HERC3: variants seen among roughly 807,000 people sequenced by gnomAD.
HERC3 encodes the protein probable E3 ubiquitin-protein ligase HERC3.
In HERC3, 58 loss-of-function variants were observed where a neutral mutation model predicts 129.9. That is an observed-to-expected ratio of 0.45 (90% CI 0.36 to 0.56). The LOEUF is 0.56. Ranked by LOEUF, HERC3 falls within the 20% of genes least tolerant of loss-of-function variation. The probability of loss-of-function intolerance (pLI) is 0.00; values close to 1 mark genes in which losing one functional copy is unlikely to be tolerated. For missense variants in HERC3, 835 were observed against 1,244.2 expected (o/e 0.67, Z 4.95); for synonymous variants, 430 against 451.0 (o/e 0.95, Z 0.59).
chr4:88,578,787 A>G, the HERC3 span, among the ~76,000 whole-genome samples: 1 of 152,174 alleles, frequency 6.6e-6, no homozygotes, highest in South Asian at 2.1e-4. Context: ...TTTATAGACA[A>G]GAAAACAGAG....
the HERC3 span, among the ~76,000 whole-genome samples, chr4:88,535,217 A>T: frequency 6.6e-6 from 1 of 152,100 alleles, no homozygotes; most frequent in Non-Finnish European, 1.5e-5. Flanking sequence ...TCTTTGACTG[A>T]CTCAGAGACC....
upstream of HERC3, chr4:88,592,335 G>GC (rs1721769010): frequency 6.6e-6 from 1 of 152,602 alleles, no homozygotes; most frequent in Non-Finnish European, 1.5e-5. Context: ...CCCTCCTCCT[G>GC]CCCGCGGACC....
At chr4:88,622,182 T>C (rs972333177) in intron 3 of HERC3, among the ~76,000 whole-genome samples, 2 of 152,252 alleles carry the variant, frequency 1.3e-5, no homozygotes, top group African/African-American at 2.4e-5. Context: ...ATTAATCTAC[T>C]TTCTGTTTCT....
intron 3 of HERC3, among the ~76,000 whole-genome samples, chr4:88,619,622 A>G (rs1333210978): frequency 1.3e-5 from 2 of 152,214 alleles, no homozygotes; most frequent in Non-Finnish European, 2.9e-5. Flanking sequence ...TTTGCATGAA[A>G]TTTTAAAATT....
At chr4:88,535,624 C>G in the HERC3 span, among the ~76,000 whole-genome samples, 1 of 152,122 alleles carries the variant, frequency 6.6e-6, no homozygotes, top group Non-Finnish European at 1.5e-5. Flanking sequence ...CTCCCACATC[C>G]AATCACATGA....
chr4:88,695,615 T>C (rs1734526439), intron 23 of HERC3, among the ~76,000 whole-genome samples: 1 of 152,194 alleles, frequency 6.6e-6, no homozygotes, highest in South Asian at 2.1e-4. Flanking sequence ...CTTTCTCCCA[T>C]TTTGTAACAG....
At chr4:88,602,221 C>T (rs1256672650) in intron 2 of HERC3, among the ~76,000 whole-genome samples, 1 of 151,436 alleles carries the variant, frequency 6.6e-6, no homozygotes, top group South Asian at 2.1e-4. Context: ...CCCAACATGG[C>T]GAAACCCTGT....
At chr4:88,639,787 T>C (rs1299912245) in intron 3 of HERC3, among the ~76,000 whole-genome samples, 1 of 151,834 alleles carries the variant, frequency 6.6e-6, no homozygotes, top group Admixed American at 6.6e-5. Context: ...AACTCATGAG[T>C]GAACAGGCAA....
the HERC3 span, among the ~76,000 whole-genome samples, chr4:88,560,113 C>T: frequency 1.3e-5 from 2 of 152,058 alleles, no homozygotes; most frequent in Admixed American, 6.6e-5. Context: ...GCGCACACCA[C>T]CAAGCCTGGC....
intron 2 of HERC3, among the ~76,000 whole-genome samples, chr4:88,602,502 G>C (rs571280071): frequency 6.6e-6 from 1 of 151,882 alleles, no homozygotes; most frequent in South Asian, 2.1e-4. Flanking sequence ...TTTTTAAGAT[G>C]GGTCTCGCTC....
intron 23 of HERC3, among the ~76,000 whole-genome samples, chr4:88,695,097 A>G (rs1208855228): frequency 6.6e-6 from 1 of 152,192 alleles, no homozygotes; most frequent in African/African-American, 2.4e-5. Context: ...TAAGAAATCA[A>G]TATTAAATTT....
the HERC3 span, among the ~76,000 whole-genome samples, chr4:88,544,280 CAAA>C: frequency 6.6e-6 from 1 of 152,182 alleles, no homozygotes; most frequent in Non-Finnish European, 1.5e-5. Context: ...AGACACTTCT[CAAA>C]AGAAGACATT....
At chr4:88,558,071 C>CAAAAA in the HERC3 span, among the ~76,000 whole-genome samples, 2 of 39,150 alleles carry the variant, frequency 5.1e-5, no homozygotes. Context: ...GACTCTGACT[C>CAAAAA]AAAAAAAAAA....
chr4:88,653,148 G>C, intron 6 of HERC3, 58 bp downstream of exon 6: 1 of 1,507,220 alleles, frequency 6.6e-7, no homozygotes, highest in Non-Finnish European at 9.2e-7. Flanking sequence ...TTTAACACAT[G>C]CTTCTTGAGG....
At chr4:88,598,281 A>G (rs1029390234) in intron 2 of HERC3, among the ~76,000 whole-genome samples, 2 of 152,262 alleles carry the variant, frequency 1.3e-5, no homozygotes, top group Non-Finnish European at 2.9e-5. Context: ...GTCGTTTAGC[A>G]TTCAACTCAC....
At chr4:88,644,181 T>C (rs992601812) in intron 3 of HERC3, among the ~76,000 whole-genome samples, 1 of 152,208 alleles carries the variant, frequency 6.6e-6, no homozygotes, top group Non-Finnish European at 1.5e-5. Flanking sequence ...CTGGTGTTAA[T>C]GCAAAATGGG....
chr4:88,570,231 A>G, the HERC3 span, among the ~76,000 whole-genome samples: 6 of 152,226 alleles, frequency 3.9e-5, no homozygotes, highest in African/African-American at 1.4e-4. Context: ...AAATTATTCA[A>G]AGTGGGATGG....
the HERC3 span, among the ~76,000 whole-genome samples, chr4:88,573,116 T>C: frequency 6.6e-6 from 1 of 152,236 alleles, no homozygotes; most frequent in African/African-American, 2.4e-5. Context: ...GTATATGTTA[T>C]AAAAACTAAT....
upstream of HERC3, among the ~76,000 whole-genome samples, chr4:88,589,914 C>T (rs1373599306): frequency 6.6e-6 from 1 of 152,180 alleles, no homozygotes; most frequent in Non-Finnish European, 1.5e-5. Flanking sequence ...GCTCCTATCC[C>T]ATTTCTAGGC....
Sources: allele counts gnomAD v4.1 joint callset (sites outside exome capture counted in the v4.1 genomes callset), GRCh38; gene constraint gnomAD v4.1.1; transcripts MANE v1.5; gene names NCBI Gene and HGNC (gene_info 2026-07-23, HGNC 2026-07-21).